MTFR2: variants seen among roughly 807,000 people sequenced by gnomAD.
MTFR2 encodes mitochondrial fission regulator 2.
Under a neutral mutation model 41.2 loss-of-function variants are expected in MTFR2, and 44 were observed. The observed-to-expected ratio is 1.07, with a 90% CI of 0.84 to 1.37. The LOEUF is 1.37. Among genes scored for constraint, MTFR2 ranks in the 40% most tolerant of loss-of-function variants. MTFR2 has a pLI of 0.00. For missense variants in MTFR2, 452 were observed against 459.5 expected, an observed-to-expected ratio of 0.98 and a Z score of 0.15; for synonymous variants, 141 against 154.6, an observed-to-expected ratio of 0.91 and a Z score of 0.65.
At chr6:136,233,520 T>A (rs755798039) in intron 6 of MTFR2, 21 bp from the exon 7 acceptor site, 89 of 1,421,994 alleles carry the variant, frequency 6.3e-5, no homozygotes, top group Non-Finnish European at 7.0e-5. Flanking sequence ...AAAAAAAAAA[T>A]TGAATTTATT....
intron 6 of MTFR2, among the ~76,000 whole-genome samples, chr6:136,238,219 A>T (rs556098994): frequency 1.1e-3 from 160 of 152,354 alleles, no homozygotes; most frequent in African/African-American, 3.7e-3. Context: ...GGATTAAGAA[A>T]TGGGATATAT....
In MTFR2 at chr6:136,239,699, T is replaced by C; in HGVS notation, c.636A>G (p.Pro212=). ...PGSVLSPPPP[P]PLPPQFSSLQ... ...GAGATGAAAACTGAGGAGGAAGTGGTGGAGGAGGAGGAGGAGAAAGCACTG... is the reference window on the plus strand; with the variant it reads ...GAGATGAAAACTGAGGAGGAAGTGGCGGAGGAGGAGGAGGAGAAAGCACTG... Residue 212 remains proline, a synonymous_variant, in exon 6 of 8, where the codon CCA becomes CCG. Transcript: ENST00000420702. 6.2e-7 allele frequency: 1 copy of C among 1,613,548 alleles called. No individual in the cohort carries two copies. The highest frequency in any genetic ancestry group is 8.5e-7 in the Non-Finnish European group (1 of 1,179,876).
At chr6:136,240,565 T>C (rs1333538788) in intron 5 of MTFR2, among the ~76,000 whole-genome samples, 1 of 152,154 alleles carries the variant, frequency 6.6e-6, no homozygotes, top group Non-Finnish European at 1.5e-5. Context: ...TGCTTTACAT[T>C]TTATACACGC....
chr6:136,243,086 T>C (rs112835667), intron 3 of MTFR2, 113 bp from the exon 4 acceptor site: 3 of 605,600 alleles, frequency 5.0e-6, no homozygotes, highest in Non-Finnish European at 2.6e-6. Flanking sequence ...ATAAAAAGAA[T>C]ATTCAATAGA....
intron 5 of MTFR2, among the ~76,000 whole-genome samples, chr6:136,240,900 G>T (rs536981279): frequency 6.6e-5 from 10 of 152,208 alleles, no homozygotes; most frequent in East Asian, 1.9e-4. Context: ...GACCATCCTG[G>T]CTAACACGGT....
In MTFR2 at chr6:136,231,263, C is replaced by T. The variant is rs545444672; in HGVS notation, c.*12G>A. On this transcript the variant is annotated 3_prime_UTR_variant, in exon 8 of 8. Coordinates refer to ENST00000420702, the MANE Select transcript of MTFR2 (RefSeq NM_001099286.3). ...AAGTTTTGGAAGTTTAAAGCTCAAC[C>T]TTAAGTTGAGTTTAAATCCTTGAGT... 20 of 1,550,118 alleles carry T rather than the reference C, an allele frequency of 1.3e-5. No homozygotes were observed. The South Asian group carries it at 2.3e-4, about 18-fold the overall frequency.
At position 136,249,165 on chromosome 6, in the gene MTFR2, A is replaced by T; in HGVS notation, c.-54-12T>A. The T allele has an allele frequency of 5.2e-6, 7 of 1,358,872 alleles. No homozygotes were observed. The highest frequency in any genetic ancestry group is 7.0e-6 in the Non-Finnish European group (7 of 999,184). 84.2% of individuals were successfully genotyped at this position (1,358,872 alleles called of 1,614,324 possible). ...CAGTTTCTTGGTGCCTTTGGGGAAA[A>T]TTTTAGAAAATGTTACTCTTGACAA... On this transcript the variant is annotated splice_polypyrimidine_tract_variant and intron_variant, in intron 1 of 7. Transcript: ENST00000420702.
At chr6:136,240,902 T>TA (rs1562210852) in intron 5 of MTFR2, among the ~76,000 whole-genome samples, 3 of 152,030 alleles carry the variant, frequency 2.0e-5, no homozygotes, top group African/African-American at 4.8e-5. Context: ...CCATCCTGGC[T>TA]AACACGGTGA....
At chr6:136,244,366 C>T (rs939410862) in intron 3 of MTFR2, among the ~76,000 whole-genome samples, 8 of 152,158 alleles carry the variant, frequency 5.3e-5, no homozygotes, top group African/African-American at 1.9e-4. Flanking sequence ...CACACAAACA[C>T]TTACCATTGT....
rs140636564 is a variant in MTFR2, at chr6:136,244,169, A to C, written c.168+596T>G. Reference sequence around the variant, plus strand: ...TTTTTGTATAAATTTAGTGTAGCCTAAGTGTACAGTGTTTATAAAGTCTAC... The same window carrying C: ...TTTTTGTATAAATTTAGTGTAGCCTCAGTGTACAGTGTTTATAAAGTCTAC... On this transcript the variant is annotated intron_variant, in intron 3 of 7. Transcript: ENST00000420702. 9.7e-3 allele frequency among the ~76,000 whole-genome samples: 1,474 copies of C among 152,286 alleles called. 26 individuals carry two copies. The highest frequency in any genetic ancestry group is 0.033 in the African/African-American group (1,391 of 41,558).
At chr6:136,238,634 A>G (rs1170881169) in intron 6 of MTFR2, among the ~76,000 whole-genome samples, 1 of 152,118 alleles carries the variant, frequency 6.6e-6, no homozygotes, top group African/African-American at 2.4e-5. Flanking sequence ...TGTATTATAC[A>G]CATAAAAATT....
intron 5 of MTFR2, among the ~76,000 whole-genome samples, chr6:136,240,852 G>A (rs1223318528): frequency 6.6e-6 from 1 of 152,322 alleles, no homozygotes; most frequent in Non-Finnish European, 1.5e-5. Context: ...AGCACTTTGG[G>A]AGGCCAAGGC....
chr6:136,239,562 T>C lies in MTFR2; in HGVS notation c.773A>G (p.Tyr258Cys), dbSNP rs886913582. 3 of 1,614,160 alleles carry C rather than the reference T, an allele frequency of 1.9e-6. No individual in the cohort carries two copies. The highest frequency in any genetic ancestry group is 1.7e-5 in the Admixed American group (1 of 60,020). ...KQNPAANKTN[Y>C]SHHSKSQRNK... ...TCTCTGGCTTTTTGAATGATGACTATAATTGGTCTTATTAGCAGCCGGGTT... is the reference window on the plus strand; with the variant it reads ...TCTCTGGCTTTTTGAATGATGACTACAATTGGTCTTATTAGCAGCCGGGTT... Residue 258 changes from tyrosine to cysteine, a missense_variant, in exon 6 of 8, where the codon TAT becomes TGT. By Grantham distance (194) the Tyr-to-Cys change is radical (BLOSUM62 -2). Coordinates refer to ENST00000420702, the MANE Select transcript of MTFR2 (RefSeq NM_001099286.3).
intron 2 of MTFR2, among the ~76,000 whole-genome samples, chr6:136,245,277 C>T (rs758720605): frequency 1.3e-5 from 2 of 151,336 alleles, no homozygotes; most frequent in Admixed American, 6.6e-5. Flanking sequence ...CAAGCAACGA[C>T]GTAATATGGA....
intron 7 of MTFR2, 144 bp from the exon 8 acceptor site, chr6:136,231,532 G>T: frequency 1.7e-6 from 1 of 602,756 alleles, no homozygotes. Flanking sequence ...ATAGTTATTT[G>T]GCTATGTATC....
rs267600827 is a variant in MTFR2 at position 136,241,506 on chromosome 6, A to G, written c.452T>C (p.Phe151Ser). ...AATTGCTGCAATCTGAGAGCGAAGA[A>G]AAGTCAGCTCATTTTCAAGGGCAGC... is the stretch of plus-strand genomic sequence containing the variant. ...KIAALENELT[F>S]LRSQIAAIVE... The change falls in exon 5 of 8, where the codon TTT becomes TCT. Residue 151 changes from phenylalanine to serine, a missense_variant. Phe to Ser is a radical substitution (Grantham distance 155, BLOSUM62 -2). Coordinates refer to ENST00000420702, the MANE Select transcript of MTFR2 (RefSeq NM_001099286.3). The G allele has an allele frequency of 4.3e-6, 7 of 1,614,026 alleles. No individual in the cohort carries two copies. The highest frequency in any genetic ancestry group is 1.1e-5 in the South Asian group (1 of 91,076).
intron 6 of MTFR2, among the ~76,000 whole-genome samples, 157 bp from the exon 7 acceptor site, chr6:136,233,656 TAAGG>T (rs946978969): frequency 1.8e-4 from 27 of 152,228 alleles, no homozygotes; most frequent in African/African-American, 6.5e-4. Flanking sequence ...CGCAATGAAA[TAAGG>T]AAGGCACAAT....
chr6:136,236,770 G>A (rs1779917697), intron 6 of MTFR2, among the ~76,000 whole-genome samples: 1 of 152,154 alleles, frequency 6.6e-6, no homozygotes, highest in Non-Finnish European at 1.5e-5. Context: ...TGACTTATCT[G>A]TCCCAGGACT....
chr6:136,241,001 G>C (rs1484074549), intron 5 of MTFR2, among the ~76,000 whole-genome samples: 3 of 147,646 alleles, frequency 2.0e-5, no homozygotes, highest in Non-Finnish European at 4.4e-5. Flanking sequence ...TGAGGCAGGA[G>C]AATGGCGTGA....
Sources: gnomAD v4.1 joint callset for allele counts (sites outside exome capture counted in the v4.1 genomes callset) on GRCh38, gnomAD v4.1.1 for gene constraint, MANE v1.5 for transcripts, NCBI Gene and HGNC (gene_info 2026-07-23, HGNC 2026-07-21) for gene names.